Variants in DLC1 observed in about 807,000 individuals in gnomAD.
The protein encoded by DLC1 is DLC1 Rho GTPase activating protein, also known as rho GTPase-activating protein 7.
A neutral mutation model predicts 140.3 loss-of-function variants in DLC1; 54 were observed. The observed-to-expected ratio is 0.38, with a 90% confidence interval of 0.31 to 0.48. The LOEUF is 0.48. Among genes scored for constraint, DLC1 ranks in the 20% least tolerant of loss-of-function variants. DLC1 has a pLI of 0.96. For missense variants in DLC1, 2,536 were observed against 1,907.0 expected (o/e 1.33, Z -6.14); for synonymous variants, 986 against 728.1 (o/e 1.35, Z -5.70).
chr8:13,230,710 C>T (rs916467810), intron 5 of DLC1, among the ~76,000 whole-genome samples: 2 of 151,364 alleles, frequency 1.3e-5, no homozygotes, highest in African/African-American at 4.9e-5. Flanking sequence ...AATTCTCCTG[C>T]CTCAGCCTCT....
intron 4 of DLC1, among the ~76,000 whole-genome samples, chr8:13,330,258 C>T (rs1833531194): frequency 6.6e-6 from 1 of 152,134 alleles, no homozygotes; most frequent in Non-Finnish European, 1.5e-5. Context: ...AGCCTATTAT[C>T]CAGTGTTTAA....
chr8:13,333,176 C>A (rs144932095), intron 4 of DLC1, among the ~76,000 whole-genome samples: 1 of 152,128 alleles, frequency 6.6e-6, no homozygotes, highest in African/African-American at 2.4e-5. Flanking sequence ...CCCTACCTAT[C>A]AATGTTATAC....
intron 2 of DLC1, among the ~76,000 whole-genome samples, chr8:13,464,766 T>TTATATA (rs1299837929): frequency 1.3e-4 from 1 of 7,556 alleles, no homozygotes; most frequent in African/African-American, 4.1e-4. Flanking sequence ...ATATATATAT[T>TTATATA]TATATATATA....
At chr8:13,539,794 A>C (rs1156636982) in intron 1 of DLC1, among the ~76,000 whole-genome samples, 3 of 150,154 alleles carry the variant, frequency 2.0e-5, no homozygotes, top group Non-Finnish European at 4.4e-5. Context: ...TATAGTTTGA[A>C]TGTTGAGAAA....
chr8:13,341,654 T>A (rs1006053721), intron 4 of DLC1: 1 of 152,166 alleles, frequency 6.6e-6, no homozygotes, highest in Non-Finnish European at 1.5e-5. Flanking sequence ...CAGAAAGCCT[T>A]GAAAGCAAAG....
In DLC1 at chr8:13,592,631, T is replaced by C. The variant is rs140576082; in HGVS notation, c.-126+11906A>G. Among the ~76,000 whole-genome samples the C allele has an allele frequency of 9.7e-3, 1,477 of 152,162 alleles. 22 individuals are homozygous for C. The highest frequency in any genetic ancestry group is 0.034 in the African/African-American group (1,391 of 41,520). On this transcript the variant is annotated intron_variant, in intron 1 of 1. Transcript: ENST00000631382. ...TTGAAACTATAGAGTAAGTCTTGGA[T>C]AGCTAATCTGGGGCCTGCCAAGGTT...
At chr8:13,347,437 C>T (rs916272844) in intron 4 of DLC1, among the ~76,000 whole-genome samples, 8 of 152,164 alleles carry the variant, frequency 5.3e-5, no homozygotes, top group South Asian at 2.1e-4. Context: ...CAGGGCTGGA[C>T]ACTCCTTGAG....
chr8:13,223,871 A>C (rs1186119214), intron 5 of DLC1, among the ~76,000 whole-genome samples: 1 of 152,212 alleles, frequency 6.6e-6, no homozygotes, highest in Non-Finnish European at 1.5e-5. Flanking sequence ...AAAGGTGGAG[A>C]GTTTTACATT....
intron 5 of DLC1, among the ~76,000 whole-genome samples, chr8:13,149,844 G>A (rs1020246): frequency 0.15 from 22,611 of 152,260 alleles, 1,798 homozygotes; most frequent in Non-Finnish European, 0.17. Flanking sequence ...TCCTGGGGGC[G>A]TCAGGCCTCT....
chr8:13,240,481 T>C (rs940128423), intron 5 of DLC1, among the ~76,000 whole-genome samples: 5 of 152,164 alleles, frequency 3.3e-5, no homozygotes, highest in South Asian at 2.1e-4. Flanking sequence ...AGTCCAGTTA[T>C]ATGATCACAG....
At chr8:13,357,639 A>C (rs907093880) in intron 4 of DLC1, among the ~76,000 whole-genome samples, 2 of 152,242 alleles carry the variant, frequency 1.3e-5, no homozygotes, top group Non-Finnish European at 2.9e-5. Flanking sequence ...ACACAGTTTC[A>C]AGAAATTACA....
At chr8:13,244,001 C>A (rs982911161) in intron 5 of DLC1, among the ~76,000 whole-genome samples, 4 of 152,182 alleles carry the variant, frequency 2.6e-5, no homozygotes, top group Admixed American at 6.5e-5. Flanking sequence ...TAGGAAATTC[C>A]TCACCTGGGG....
chr8:13,301,772 T>C (rs903932946), intron 5 of DLC1, among the ~76,000 whole-genome samples: 2 of 152,178 alleles, frequency 1.3e-5, no homozygotes, highest in African/African-American at 4.8e-5. Context: ...GCTCTGGCTC[T>C]TGTGAGATCA....
At chr8:13,144,506 C>G (rs190875762) in intron 5 of DLC1, among the ~76,000 whole-genome samples, 2 of 152,306 alleles carry the variant, frequency 1.3e-5, no homozygotes, top group Admixed American at 1.3e-4. Flanking sequence ...TGGCTCATGC[C>G]TGTAATATCA....
intron 1 of DLC1, among the ~76,000 whole-genome samples, chr8:13,524,625 A>G (rs1802864766): frequency 6.6e-6 from 1 of 152,110 alleles, no homozygotes. Flanking sequence ...ATCTGGGTGC[A>G]GGAGAACAGT....
At chr8:13,219,181 T>A (rs1194540442) in intron 5 of DLC1, among the ~76,000 whole-genome samples, 1 of 115,308 alleles carries the variant, frequency 8.7e-6, no homozygotes, top group Non-Finnish European at 1.7e-5. Flanking sequence ...TATAATTATA[T>A]GAATATAACT....
chr8:13,377,835 C>A (rs920548714), intron 4 of DLC1, among the ~76,000 whole-genome samples: 1 of 151,722 alleles, frequency 6.6e-6, no homozygotes, highest in Non-Finnish European at 1.5e-5. Context: ...AATCTATTGG[C>A]CTCCTATTTC....
chr8:13,296,815 C>T (rs1243320792), intron 5 of DLC1, among the ~76,000 whole-genome samples: 1 of 151,578 alleles, frequency 6.6e-6, no homozygotes. Context: ...CAACAAAGTG[C>T]CACTTTCAGC....
At chr8:13,201,419 A>G (rs925976299) in intron 5 of DLC1, among the ~76,000 whole-genome samples, 7 of 152,218 alleles carry the variant, frequency 4.6e-5, no homozygotes, top group Admixed American at 4.6e-4. Context: ...AAATACAAAT[A>G]TTTTATACCT....
Sources: gnomAD v4.1 joint callset for allele counts (sites outside exome capture counted in the v4.1 genomes callset) on GRCh38, gnomAD v4.1.1 for gene constraint, MANE v1.5 for transcripts, NCBI Gene and HGNC (gene_info 2026-07-23, HGNC 2026-07-21) for gene names.